Variants in UNC13C observed in about 807,000 individuals in gnomAD.
UNC13C encodes unc-13 homolog C.
In UNC13C, 174 loss-of-function variants were observed where a neutral mutation model predicts 245.4. That is an observed-to-expected ratio of 0.71 (90% CI 0.63 to 0.80). UNC13C has a LOEUF of 0.80. Ranked by LOEUF, UNC13C falls within the 30% of genes least tolerant of loss-of-function variation. The pLI is 0.00. For synonymous variants in UNC13C, 992 were observed against 895.1 expected (o/e 1.11, Z -1.93); for missense variants, 2,829 against 2,602.9 (o/e 1.09, Z -1.89).
chr15:54,160,317 T>A (rs1418158613), intron 4 of UNC13C, among the ~76,000 whole-genome samples: 1 of 150,288 alleles, frequency 6.7e-6, no homozygotes, highest in African/African-American at 2.5e-5. Context: ...TAGATGAAAA[T>A]GACAAAGAGA....
At chr15:54,591,713 T>G in intron 30 of UNC13C, among the ~76,000 whole-genome samples, 1 of 152,290 alleles carries the variant, frequency 6.6e-6, no homozygotes, top group Non-Finnish European at 1.5e-5. Flanking sequence ...GTCCATCAAT[T>G]TTATTTATCT....
intron 1 of UNC13C, among the ~76,000 whole-genome samples, chr15:53,992,428 G>C (rs761693783): frequency 7.9e-5 from 12 of 152,038 alleles, no homozygotes; most frequent in Non-Finnish European, 1.3e-4. Flanking sequence ...TCTTCATGGT[G>C]GATGCAAAGA....
At chr15:54,074,236 TA>T (rs1898477740) in intron 2 of UNC13C, among the ~76,000 whole-genome samples, 3 of 151,918 alleles carry the variant, frequency 2.0e-5, no homozygotes, top group Admixed American at 2.0e-4. Flanking sequence ...CATTGGTCTA[TA>T]TATCTGTTTT....
At chr15:53,961,718 A>G in the UNC13C span, among the ~76,000 whole-genome samples, 1 of 152,252 alleles carries the variant, frequency 6.6e-6, no homozygotes, top group Admixed American at 6.5e-5. Flanking sequence ...TTACTGCTGT[A>G]ACAACACAGA....
At chr15:54,314,007 T>C (rs768266272) in intron 13 of UNC13C, among the ~76,000 whole-genome samples, 4 of 151,250 alleles carry the variant, frequency 2.6e-5, no homozygotes, top group Non-Finnish European at 5.9e-5. Context: ...GGGAATATTA[T>C]GGTTAAGGGA....
intron 2 of UNC13C, among the ~76,000 whole-genome samples, chr15:54,027,729 G>A (rs1293944036): frequency 6.6e-6 from 1 of 151,754 alleles, no homozygotes; most frequent in Non-Finnish European, 1.5e-5. Flanking sequence ...GCTTAAGACA[G>A]GGTTGTCCTC....
At chr15:54,486,955 A>T (rs975665955) in intron 19 of UNC13C, among the ~76,000 whole-genome samples, 2 of 152,236 alleles carry the variant, frequency 1.3e-5, no homozygotes, top group Non-Finnish European at 2.9e-5. Context: ...AGAACTAGAT[A>T]TAAGCCAAGA....
chr15:53,962,826 G>A, the UNC13C span, among the ~76,000 whole-genome samples: 1 of 152,080 alleles, frequency 6.6e-6, no homozygotes, highest in South Asian at 2.1e-4. Flanking sequence ...TCTCTCCTTG[G>A]TTACACTGTG....
At chr15:54,354,704 C>T (rs1478825722) in intron 17 of UNC13C, among the ~76,000 whole-genome samples, 2 of 152,166 alleles carry the variant, frequency 1.3e-5, no homozygotes, top group African/African-American at 4.8e-5. Context: ...AGTAGTACTT[C>T]CAACTCAAGG....
At chr15:54,309,656 A>C (rs554176775) in intron 13 of UNC13C, among the ~76,000 whole-genome samples, 1 of 152,054 alleles carries the variant, frequency 6.6e-6, no homozygotes, top group South Asian at 2.1e-4. Context: ...TCAAGTCTTC[A>C]ATCAATTTAG....
chr15:54,422,995 A>G (rs1376053252), intron 19 of UNC13C, among the ~76,000 whole-genome samples: 2 of 151,004 alleles, frequency 1.3e-5, no homozygotes, highest in East Asian at 3.9e-4. Flanking sequence ...CGAAAAAAAA[A>G]CTTCATGAAA....
intron 22 of UNC13C, among the ~76,000 whole-genome samples, chr15:54,504,075 A>C (rs552462581): frequency 6.6e-6 from 1 of 152,326 alleles, no homozygotes; most frequent in East Asian, 1.9e-4. Context: ...GATGAGTGAT[A>C]AAATGGGCAC....
chr15:54,337,964 A>T (rs1263050681), intron 16 of UNC13C, among the ~76,000 whole-genome samples: 1 of 152,146 alleles, frequency 6.6e-6, no homozygotes, highest in African/African-American at 2.4e-5. Context: ...TCATCATGTA[A>T]TATATTTTAC....
intron 17 of UNC13C, among the ~76,000 whole-genome samples, chr15:54,344,241 GTCTT>G (rs2038805968): frequency 1.3e-5 from 2 of 152,148 alleles, no homozygotes; most frequent in African/African-American, 2.4e-5. Context: ...CTTACTTGAT[GTCTT>G]TCTAATACAT....
intron 2 of UNC13C, among the ~76,000 whole-genome samples, chr15:54,047,124 A>C (rs996341074): frequency 1.3e-5 from 2 of 152,110 alleles, no homozygotes; most frequent in African/African-American, 4.8e-5. Flanking sequence ...AGACTAGTCA[A>C]ACAGGTTTAT....
chr15:54,263,363 C>A (rs540616028), intron 8 of UNC13C, among the ~76,000 whole-genome samples: 87 of 152,150 alleles, frequency 5.7e-4, no homozygotes, highest in Non-Finnish European at 1.2e-3. Flanking sequence ...TAATACTGGG[C>A]AACCCAGAAG....
intron 1 of UNC13C, among the ~76,000 whole-genome samples, chr15:54,003,966 C>T (rs577033760): frequency 6.6e-6 from 1 of 150,854 alleles, no homozygotes; most frequent in African/African-American, 2.4e-5. Context: ...AGCCGAGATC[C>T]TGCCACAGCA....
chr15:53,914,972 T>A, the UNC13C span, among the ~76,000 whole-genome samples: 165 of 152,326 alleles, frequency 1.1e-3, no homozygotes, highest in Admixed American at 3.7e-3. Flanking sequence ...GGGAGCTGCC[T>A]TCAATACCTA....
chr15:54,024,492 T>C (rs754005517), intron 2 of UNC13C, among the ~76,000 whole-genome samples: 3 of 152,194 alleles, frequency 2.0e-5, no homozygotes, highest in East Asian at 3.8e-4. Context: ...TGGACTCAAA[T>C]AGAACTGTTT....
Sources: gnomAD v4.1 joint callset for allele counts (sites outside exome capture counted in the v4.1 genomes callset) on GRCh38, gnomAD v4.1.1 for gene constraint, MANE v1.5 for transcripts, NCBI Gene and HGNC (gene_info 2026-07-23, HGNC 2026-07-21) for gene names.